The following CCSER1 variants were observed in gnomAD, a reference collection of about 807,000 sequenced individuals.
The protein encoded by CCSER1 is serine-rich coiled-coil domain-containing protein 1.
In CCSER1, 41 loss-of-function variants were observed where a neutral mutation model predicts 82.0. That is an observed-to-expected ratio of 0.50 (90% confidence interval 0.39 to 0.65). CCSER1 has a LOEUF of 0.65. CCSER1 is among the 30% of genes least tolerant of loss of function. The pLI, the probability that CCSER1 is intolerant of heterozygous loss-of-function variation, is 0.00. For missense variants in CCSER1, 1,119 were observed against 1,064.2 expected (o/e 1.05, Z -0.72); for synonymous variants, 414 against 383.9 (o/e 1.08, Z -0.92).
Position 91,326,206 on chromosome 4 carries a change from A to G in CCSER1, c.2217+240212A>G, listed in dbSNP as rs145682148. On this transcript the variant is annotated intron_variant, in intron 10 of 10. Coordinates refer to ENST00000509176, the MANE Select transcript of CCSER1 (RefSeq NM_001145065.2). ...CATTATTCTGTTCTCACATTGCTAT[A>G]AAGAACTACCCGAGACTGGGTAATT... is the stretch of plus-strand genomic sequence containing the variant. Among the ~76,000 whole-genome samples the G allele has an allele frequency of 2.8e-4, 42 of 152,312 alleles. No individual in the cohort carries two copies. The East Asian group carries it at 7.9e-3, about 29-fold the overall frequency.
chr4:91,518,663 A>G (rs931653964), intron 10 of CCSER1, among the ~76,000 whole-genome samples: 3 of 152,102 alleles, frequency 2.0e-5, no homozygotes, highest in Non-Finnish European at 4.4e-5. Context: ...CTCTCTATAT[A>G]GTGGCTATTA....
intron 10 of CCSER1, among the ~76,000 whole-genome samples, chr4:91,200,921 G>T (rs368738268): frequency 3.3e-5 from 5 of 151,796 alleles, no homozygotes; most frequent in Non-Finnish European, 7.4e-5. Flanking sequence ...TATTATTGTA[G>T]TCTTTTACAA....
chr4:90,217,225 C>A (rs535363057), intron 1 of CCSER1, among the ~76,000 whole-genome samples: 11 of 152,198 alleles, frequency 7.2e-5, no homozygotes, highest in African/African-American at 2.6e-4. Context: ...GAGATGGAGT[C>A]TTGCTCCATT....
At chr4:91,496,736 ATTG>A (rs1758898711) in intron 10 of CCSER1, among the ~76,000 whole-genome samples, 2 of 71,486 alleles carry the variant, frequency 2.8e-5, no homozygotes, top group African/African-American at 9.1e-5. Flanking sequence ...ATATATATAT[ATTG>A]AATATATATT....
At chr4:91,275,386 C>T (rs972384455) in intron 10 of CCSER1, among the ~76,000 whole-genome samples, 1 of 151,326 alleles carries the variant, frequency 6.6e-6, no homozygotes, top group Non-Finnish European at 1.5e-5. Flanking sequence ...AATGATATTT[C>T]AATTTGTTTT....
chr4:90,463,117 C>A (rs1392607776), intron 4 of CCSER1, among the ~76,000 whole-genome samples: 1 of 152,088 alleles, frequency 6.6e-6, no homozygotes, highest in Non-Finnish European at 1.5e-5. Context: ...TTAAAAAAAT[C>A]TCAAGATGAT....
intron 7 of CCSER1, among the ~76,000 whole-genome samples, chr4:90,803,183 T>C (rs1420796966): frequency 3.3e-5 from 5 of 151,892 alleles, no homozygotes; most frequent in Admixed American, 3.3e-4. Context: ...AAATTATTAT[T>C]TGTTTTTTAT....
At chr4:90,366,468 A>G (rs1204355148) in intron 3 of CCSER1, among the ~76,000 whole-genome samples, 1 of 151,872 alleles carries the variant, frequency 6.6e-6, no homozygotes, top group Non-Finnish European at 1.5e-5. Context: ...CAGTTAATAT[A>G]TCCATCACCT....
chr4:91,257,714 G>A (rs960712106), intron 10 of CCSER1, among the ~76,000 whole-genome samples: 1 of 152,036 alleles, frequency 6.6e-6, no homozygotes, highest in Admixed American at 6.6e-5. Context: ...TTAGTTATTT[G>A]TGAAGAAAAC....
At chr4:90,529,116 C>T (rs527281529) in intron 5 of CCSER1, among the ~76,000 whole-genome samples, 68 of 152,144 alleles carry the variant, frequency 4.5e-4, no homozygotes, top group African/African-American at 1.6e-3. Flanking sequence ...GAAATAATAC[C>T]TATAATCCTC....
chr4:91,151,016 T>A (rs1250806848), intron 10 of CCSER1, among the ~76,000 whole-genome samples: 2 of 152,200 alleles, frequency 1.3e-5, no homozygotes, highest in African/African-American at 4.8e-5. Flanking sequence ...CCTCTTTTTT[T>A]ATTGATTGAA....
chr4:91,033,686 A>G, intron 9 of CCSER1, among the ~76,000 whole-genome samples: 1 of 152,186 alleles, frequency 6.6e-6, no homozygotes, highest in East Asian at 1.9e-4. Flanking sequence ...AGCAGCACGG[A>G]GATGAGATGA....
chr4:90,171,976 C>A (rs1417665343), intron 1 of CCSER1, among the ~76,000 whole-genome samples: 4 of 151,836 alleles, frequency 2.6e-5, no homozygotes, highest in Non-Finnish European at 5.9e-5. Flanking sequence ...TTATTCATAT[C>A]ACTATTTTTA....
chr4:90,843,314 A>G (rs1364077862), intron 8 of CCSER1, among the ~76,000 whole-genome samples: 3 of 152,092 alleles, frequency 2.0e-5, no homozygotes, highest in Non-Finnish European at 4.4e-5. Context: ...TGTAATTCCT[A>G]CGGATTTTCA....
chr4:91,179,961 A>G (rs1184940189), intron 10 of CCSER1, among the ~76,000 whole-genome samples: 2 of 152,066 alleles, frequency 1.3e-5, no homozygotes. Context: ...TTGGTGTTTG[A>G]TGATGGTGAT....
At chr4:90,635,744 A>G (rs1027599404) in intron 6 of CCSER1, among the ~76,000 whole-genome samples, 4 of 151,842 alleles carry the variant, frequency 2.6e-5, no homozygotes, top group African/African-American at 7.2e-5. Context: ...ATAATTTGTT[A>G]TATTTCAAAA....
chr4:90,483,609 T>C (rs2153599712), intron 5 of CCSER1, among the ~76,000 whole-genome samples: 1 of 152,292 alleles, frequency 6.6e-6, no homozygotes, highest in Non-Finnish European at 1.5e-5. Context: ...CTGTAAAGTA[T>C]TTTATTTCTC....
intron 3 of CCSER1, among the ~76,000 whole-genome samples, chr4:90,329,080 G>C (rs932446288): frequency 2.6e-5 from 4 of 151,954 alleles, no homozygotes; most frequent in Non-Finnish European, 4.4e-5. Context: ...TATGAAACTT[G>C]TCTGAAATAA....
chr4:90,507,787 T>A (rs150787900), intron 5 of CCSER1, among the ~76,000 whole-genome samples: 1 of 152,236 alleles, frequency 6.6e-6, no homozygotes, highest in African/African-American at 2.4e-5. Flanking sequence ...CTAATTTCGA[T>A]GATTACTTTG....
Sources: gnomAD v4.1 joint callset for allele counts (sites outside exome capture counted in the v4.1 genomes callset) on GRCh38, gnomAD v4.1.1 for gene constraint, MANE v1.5 for transcripts, NCBI Gene and HGNC (gene_info 2026-07-23, HGNC 2026-07-21) for gene names.